The following DDX21 variants were observed in gnomAD, a reference collection of about 807,000 sequenced individuals.
DDX21 encodes the protein nucleolar RNA helicase 2.
Under a neutral mutation model 90.0 loss-of-function variants are expected in DDX21, and 18 were observed. That is an observed-to-expected ratio of 0.20 (90% CI 0.14 to 0.30). The LOEUF is 0.30. DDX21 is among the 10% of genes least tolerant of loss of function. The probability of loss-of-function intolerance (pLI) is 1.00; values close to 1 mark genes in which losing one functional copy is unlikely to be tolerated. For missense variants in DDX21, 673 were observed against 944.5 expected (o/e 0.71, Z 3.77); for synonymous variants, 294 against 318.0 (o/e 0.92, Z 0.80).
intron 12 of DDX21, 131 bp from the exon 13 acceptor site, chr10:68,978,711 A>G (rs1843142658): frequency 1.7e-6 from 2 of 1,192,578 alleles, no homozygotes. Flanking sequence ...TGTTCGTACT[A>G]ATTGTTTGTG....
chr10:68,980,379 G>A (rs1037839370), intron 13 of DDX21, among the ~76,000 whole-genome samples: 7 of 152,134 alleles, frequency 4.6e-5, no homozygotes, highest in African/African-American at 1.7e-4. Flanking sequence ...TGTTTATGCA[G>A]GTAAACTTTT....
At chr10:68,964,128 A>T (rs923362980) in intron 4 of DDX21, 1 of 419,792 alleles carries the variant, frequency 2.4e-6, no homozygotes, top group Non-Finnish European at 4.7e-6. Flanking sequence ...AAAGAAAAGC[A>T]TGAATGGAAA....
chr10:68,963,490 G>T (rs1175708585), intron 4 of DDX21, 21 bp downstream of exon 4: 2 of 1,590,742 alleles, frequency 1.3e-6, no homozygotes, highest in Non-Finnish European at 1.7e-6. Context: ...TAAATACAAG[G>T]GCTCTCAGTC....
chr10:68,968,241 C>T (rs751394074), intron 6 of DDX21, among the ~76,000 whole-genome samples: 1 of 152,108 alleles, frequency 6.6e-6, no homozygotes, highest in Non-Finnish European at 1.5e-5. Context: ...ACCATCATAG[C>T]TCACTGCATC....
chr10:68,956,183 C>CCCT lies in DDX21; in HGVS notation c.-43_-42insCCT. The stretch of plus-strand genomic sequence containing the variant: ...GTGGGGAACTACCTCTTCCTCTCCA[C>CCCT]GCGGTTGAGAAGACCGGTCGGCCTG... On this transcript the variant is annotated 5_prime_UTR_variant, in exon 1 of 15. Transcript: ENST00000354185. The CCCT allele has an allele frequency of 6.2e-7, 1 of 1,603,254 alleles. No homozygotes were observed. Among genetic ancestry groups the CCCT allele is most frequent in the Non-Finnish European group, 8.5e-7 (1 of 1,172,048 alleles).
intron 11 of DDX21, among the ~76,000 whole-genome samples, chr10:68,975,116 G>A (rs969269470): frequency 1.3e-5 from 2 of 152,174 alleles, no homozygotes; most frequent in African/African-American, 4.8e-5. Context: ...GCTTTGTCTA[G>A]GATATTTTAA....
intron 11 of DDX21, 114 bp downstream of exon 11, chr10:68,974,857 A>G (rs924635203): frequency 2.5e-5 from 19 of 749,104 alleles, no homozygotes; most frequent in Non-Finnish European, 4.0e-5. Flanking sequence ...TTTTTGAGAC[A>G]GGGTCTCACT....
intron 6 of DDX21, 24 bp from the exon 7 acceptor site, chr10:68,968,952 C>CTT: frequency 6.2e-7 from 1 of 1,600,562 alleles, no homozygotes; most frequent in Admixed American, 1.7e-5. Flanking sequence ...TTCATACTGA[C>CTT]TTTTTTTTTC....
In DDX21 at chr10:68,977,513, C is replaced by G. The variant is rs1437419428; in HGVS notation, c.1743-16C>G. On this transcript the variant is annotated splice_polypyrimidine_tract_variant and intron_variant, in intron 11 of 14. Coordinates refer to ENST00000354185, the MANE Select transcript of DDX21 (RefSeq NM_004728.4). ...ACTTCTAGTATCCTTTCTCCTAACACACTCTCAAACAACAGGCTTTTGGAT... is the reference window on the plus strand; with the variant it reads ...ACTTCTAGTATCCTTTCTCCTAACAGACTCTCAAACAACAGGCTTTTGGAT... 6.3e-7 allele frequency: 1 copy of G among 1,590,862 alleles called. No homozygotes were observed. Among genetic ancestry groups the G allele is most frequent in the Non-Finnish European group, 8.6e-7 (1 of 1,165,550 alleles).
chr10:68,973,527 T>C lies in DDX21; in HGVS notation c.1549-18T>C. The C allele has an allele frequency of 6.2e-7, 1 of 1,613,832 alleles. No homozygotes were observed. Among genetic ancestry groups the C allele is most frequent in the Non-Finnish European group, 8.5e-7 (1 of 1,179,804 alleles). On this transcript the variant is annotated intron_variant, in intron 9 of 14. Transcript: ENST00000354185. Reference sequence around the variant, plus strand: ...CTCTTTTTTGGTTTAGTGTTACTCATGTATTTTACTTCAATAGGATGTAGA... The same window carrying C: ...CTCTTTTTTGGTTTAGTGTTACTCACGTATTTTACTTCAATAGGATGTAGA...
Position 68,963,212 on chromosome 10 carries a change from AGT to A in DDX21, c.608-78_608-77del, listed in dbSNP as rs1171437220. 2,266 of 1,378,706 alleles carry A rather than the reference AGT, an allele frequency of 1.6e-3. 31 individuals are homozygous for A. In the African/African-American group the frequency reaches 0.028, roughly 17 times the overall value. 85.4% of individuals were successfully genotyped at this position (1,378,706 alleles called of 1,614,324 possible). On this transcript the variant is annotated intron_variant, in intron 3 of 14. Transcript: ENST00000354185. The stretch of plus-strand genomic sequence containing the variant: ...TTAATTCTGCAGGACCAGAAGCATG[AGT>A]AGTATACTTCAGTATGTCAGTATGG...
At chr10:68,978,534 G>A (rs1047272390) in intron 12 of DDX21, among the ~76,000 whole-genome samples, 6 of 152,084 alleles carry the variant, frequency 3.9e-5, no homozygotes, top group Non-Finnish European at 7.4e-5. Context: ...TGAGATAATT[G>A]TAGATTTACA....
intron 4 of DDX21, among the ~76,000 whole-genome samples, chr10:68,964,464 G>A (rs1842915058): frequency 6.6e-6 from 1 of 152,130 alleles, no homozygotes; most frequent in Non-Finnish European, 1.5e-5. Context: ...AGCAGTTCAA[G>A]CAATTCTCCT....
intron 3 of DDX21, 150 bp downstream of exon 3, chr10:68,962,307 G>C: frequency 1.7e-6 from 1 of 597,680 alleles, no homozygotes; most frequent in Non-Finnish European, 2.9e-6. Context: ...ATTCAATTTA[G>C]TACTATAGTA....
chr10:68,958,706 A>G (rs1312929907), intron 1 of DDX21, among the ~76,000 whole-genome samples: 1 of 152,016 alleles, frequency 6.6e-6, no homozygotes, highest in African/African-American at 2.4e-5. Context: ...CAAAGTCCTG[A>G]GATTATAGGC....
At position 68,959,032 on chromosome 10, in the gene DDX21, C is replaced by G. The variant is rs545487309; in HGVS notation, c.88-774C>G. ...GTCTCTTAAAAAAACAAAAAAAATC[C>G]CTGTTGTTTTACCTGGGATTTTAGC... On this transcript the variant is annotated intron_variant, in intron 1 of 14. Coordinates refer to ENST00000354185, the MANE Select transcript of DDX21 (RefSeq NM_004728.4). 1.1e-4 allele frequency among the ~76,000 whole-genome samples: 16 copies of G among 152,072 alleles called. No individual in the cohort carries two copies. The East Asian group carries it at 3.1e-3, about 29-fold the overall frequency.
intron 7 of DDX21, among the ~76,000 whole-genome samples, chr10:68,969,429 G>A (rs1230589036): frequency 6.6e-6 from 1 of 152,074 alleles, no homozygotes; most frequent in Non-Finnish European, 1.5e-5. Flanking sequence ...ACAGGCATGC[G>A]CTACCACGCC....
chr10:68,979,086 C>A (rs1843150373), intron 13 of DDX21, 110 bp downstream of exon 13: 4 of 1,456,786 alleles, frequency 2.7e-6, no homozygotes, highest in Non-Finnish European at 3.7e-6. Context: ...TTCACTCTCT[C>A]ATCTTCCCTG....
At chr10:68,975,728 C>A (rs1843088613) in intron 11 of DDX21, among the ~76,000 whole-genome samples, 1 of 151,850 alleles carries the variant, frequency 6.6e-6, no homozygotes, top group Admixed American at 6.6e-5. Context: ...GCCTGGGCAA[C>A]ACGGTGAAAC....
Sources: allele counts gnomAD v4.1 joint callset (sites outside exome capture counted in the v4.1 genomes callset), GRCh38; gene constraint gnomAD v4.1.1; transcripts MANE v1.5; gene names NCBI Gene and HGNC (gene_info 2026-07-23, HGNC 2026-07-21).